The following TRHDE variants were observed in gnomAD, a reference collection of about 807,000 sequenced individuals.
The protein encoded by TRHDE is thyrotropin releasing hormone degrading enzyme.
Under a neutral mutation model 125.7 loss-of-function variants are expected in TRHDE, and 72 were observed. The observed-to-expected ratio is 0.57, with a 90% CI of 0.47 to 0.70. The LOEUF is 0.70. Among genes scored for constraint, TRHDE ranks in the 30% least tolerant of loss-of-function variants. The pLI is 0.00. For synonymous variants in TRHDE, 509 were observed against 509.1 expected (o/e 1.00, Z 0.00); for missense variants, 1,110 against 1,327.1 (o/e 0.84, Z 2.54).
At chr12:72,559,701 C>T (rs1870086122) in intron 7 of TRHDE, among the ~76,000 whole-genome samples, 2 of 152,158 alleles carry the variant, frequency 1.3e-5, no homozygotes, top group African/African-American at 2.4e-5. Context: ...GACTTTTATA[C>T]ACATAAATGT....
Position 72,272,393 on chromosome 12 carries a change from G to A in TRHDE, c.-251G>A, listed in dbSNP as rs780479727. 1.1e-4 allele frequency: 42 copies of A among 399,230 alleles called. No individual in the cohort carries two copies. The highest frequency in any genetic ancestry group is 1.9e-4 in the Non-Finnish European group (39 of 209,232). The allele number at this position is 399,230 out of a possible 1,614,324, so 24.7% of individuals were successfully genotyped here. A position where few individuals can be genotyped will look rare whatever the true frequency, so the allele number is the denominator to read the frequency against. On this transcript the variant is annotated 5_prime_UTR_variant, in exon 1 of 19. Transcript: ENST00000261180. This position sits in a 1 kb window ranked among gnomAD's most constrained non-coding sequence, Gnocchi z 6.7. ...CCGAGAAGTAGCGCGCGCTGGGCAAGCAAGACGCTTTCCAAGTTGGGCGCG... is the reference window on the plus strand; with the variant it reads ...CCGAGAAGTAGCGCGCGCTGGGCAAACAAGACGCTTTCCAAGTTGGGCGCG...
intron 6 of TRHDE, among the ~76,000 whole-genome samples, chr12:72,502,518 A>G (rs1257490158): frequency 6.6e-6 from 1 of 151,950 alleles, no homozygotes; most frequent in Non-Finnish European, 1.5e-5. Flanking sequence ...CAGTGAATAT[A>G]CTCTGTATGT....
At chr12:72,406,538 T>C (rs1873273559) in intron 3 of TRHDE, among the ~76,000 whole-genome samples, 1 of 152,074 alleles carries the variant, frequency 6.6e-6, no homozygotes, top group African/African-American at 2.4e-5. Flanking sequence ...GAGGGTGAAT[T>C]TTTTTCTTCT....
intron 2 of TRHDE, among the ~76,000 whole-genome samples, chr12:72,349,769 C>T (rs543249727): frequency 7.2e-5 from 11 of 152,030 alleles, no homozygotes; most frequent in South Asian, 6.2e-4. Flanking sequence ...GCATGGACTT[C>T]GAAGTGAGAA....
chr12:72,619,352 AACCTG>A (rs958100311), intron 13 of TRHDE, among the ~76,000 whole-genome samples: 7 of 152,342 alleles, frequency 4.6e-5, no homozygotes, highest in African/African-American at 1.7e-4. Flanking sequence ...CAAAGGACTT[AACCTG>A]GGTAGAAAGA....
chr12:72,346,444 G>T (rs773319174), intron 2 of TRHDE, among the ~76,000 whole-genome samples: 2 of 150,462 alleles, frequency 1.3e-5, no homozygotes, highest in Admixed American at 6.7e-5. Context: ...ACATAGAGCT[G>T]TTGGGTCTGT....
At chr12:72,485,107 G>A (rs1249957560) in intron 5 of TRHDE, among the ~76,000 whole-genome samples, 1 of 152,088 alleles carries the variant, frequency 6.6e-6, no homozygotes, top group African/African-American at 2.4e-5. Flanking sequence ...TTTGCTACTA[G>A]AGACTCCTTC....
intron 2 of TRHDE, among the ~76,000 whole-genome samples, chr12:72,176,893 A>G (rs1245263361): frequency 2.6e-5 from 4 of 152,240 alleles, no homozygotes; most frequent in Admixed American, 6.5e-5. Context: ...AATACCTTAC[A>G]GAGAGGCAGA....
chr12:72,250,319 TGA>T (rs1173650267), intron 2 of TRHDE, among the ~76,000 whole-genome samples: 1 of 152,178 alleles, frequency 6.6e-6, no homozygotes, highest in Non-Finnish European at 1.5e-5. Context: ...AGTTTGGAGA[TGA>T]GAGAGGTCAT....
At chr12:72,451,522 C>T (rs142211870) in intron 3 of TRHDE, among the ~76,000 whole-genome samples, 19 of 152,216 alleles carry the variant, frequency 1.2e-4, no homozygotes, top group African/African-American at 4.6e-4. Context: ...GTTTTTATTT[C>T]TATGGCTTTA....
At chr12:72,413,059 TATC>T (rs1349610453) in intron 3 of TRHDE, among the ~76,000 whole-genome samples, 1 of 152,058 alleles carries the variant, frequency 6.6e-6, no homozygotes, top group Non-Finnish European at 1.5e-5. Context: ...GGTTGCAACA[TATC>T]ATTATTTTTA....
chr12:72,514,436 A>ATAACT (rs71071837), intron 6 of TRHDE, among the ~76,000 whole-genome samples: 60,405 of 151,508 alleles, frequency 0.4, 14,503 homozygotes, highest in African/African-American at 0.67. Context: ...TGAAAATGAA[A>ATAACT]TAAGAATATA....
rs1471903698 is a variant in TRHDE at position 72,667,025 on chromosome 12, T to A, written c.*3830T>A. On this transcript the variant is annotated 3_prime_UTR_variant, in exon 19 of 19. Coordinates refer to ENST00000261180, the MANE Select transcript of TRHDE (RefSeq NM_013381.3). ...TGCAGATAAATTGTGTGCATCTCAA[T>A]CAGTAAAAATAATATTCAGTAAAAT... 6.6e-6 allele frequency: 1 copy of A among 151,920 alleles called. No homozygotes were observed. The allele number at this position is 151,920 out of a possible 1,614,324, so 9.4% of individuals were successfully genotyped here.
At chr12:72,265,971 TTCA>T (rs1205698768) in intron 2 of TRHDE, among the ~76,000 whole-genome samples, 1 of 152,026 alleles carries the variant, frequency 6.6e-6, no homozygotes, top group Non-Finnish European at 1.5e-5. Flanking sequence ...CCAATGTCTC[TTCA>T]TCAGCCCATT....
intron 12 of TRHDE, among the ~76,000 whole-genome samples, chr12:72,612,562 T>A (rs2136070392): frequency 6.6e-6 from 1 of 152,288 alleles, no homozygotes; most frequent in Admixed American, 6.5e-5. Context: ...GCAAGCGGCT[T>A]ATTTTCTGTA....
At chr12:72,418,525 A>G (rs1412592726) in intron 3 of TRHDE, among the ~76,000 whole-genome samples, 1 of 152,026 alleles carries the variant, frequency 6.6e-6, no homozygotes, top group African/African-American at 2.4e-5. Context: ...TTTTTAAAAA[A>G]CTTTCCATAG....
intron 9 of TRHDE, among the ~76,000 whole-genome samples, chr12:72,563,907 G>A (rs1174812419): frequency 6.6e-6 from 1 of 152,040 alleles, no homozygotes; most frequent in African/African-American, 2.4e-5. Flanking sequence ...CCATTACCTT[G>A]GAAAATTAGG....
chr12:72,433,396 G>C (rs1874585797), intron 3 of TRHDE, among the ~76,000 whole-genome samples: 1 of 152,062 alleles, frequency 6.6e-6, no homozygotes, highest in Non-Finnish European at 1.5e-5. Flanking sequence ...CCCCTTTGTG[G>C]GAGTAATTTA....
At chr12:72,203,389 G>T (rs1195565656) in intron 2 of TRHDE, among the ~76,000 whole-genome samples, 1 of 152,148 alleles carries the variant, frequency 6.6e-6, no homozygotes, top group South Asian at 2.1e-4. Context: ...AATGGCGTGA[G>T]CCCAGGAGGC....
Sources: allele counts gnomAD v4.1 joint callset (sites outside exome capture counted in the v4.1 genomes callset), GRCh38; gene constraint gnomAD v4.1.1; non-coding constraint Gnocchi (gnomAD v3.1); transcripts MANE v1.5; gene names NCBI Gene and HGNC (gene_info 2026-07-23, HGNC 2026-07-21).